FANCD2: variants seen among roughly 807,000 people sequenced by gnomAD.
The protein encoded by FANCD2 is FA complementation group D2, also known as Fanconi anemia group D2 protein.
FANCD2 carries 131 observed loss-of-function variants against 192.3 expected under a neutral mutation model. The observed-to-expected ratio is 0.68, with a 90% CI of 0.59 to 0.79. The LOEUF is 0.79. Ranked by LOEUF, FANCD2 falls within the 30% of genes least tolerant of loss-of-function variation. The pLI is 0.00. For missense variants in FANCD2, 1,508 were observed against 1,701.6 expected (o/e 0.89, Z 2.00); for synonymous variants, 524 against 612.5 (o/e 0.86, Z 2.13).
intron 20 of FANCD2, among the ~76,000 whole-genome samples, chr3:10,063,386 G>A (rs1333651258): frequency 6.6e-6 from 1 of 150,896 alleles, no homozygotes; most frequent in East Asian, 2.0e-4. Context: ...GCAGTGAGCC[G>A]AGATCACACT....
At chr3:10,080,028 C>T (rs1289775919) in intron 30 of FANCD2, among the ~76,000 whole-genome samples, 1 of 149,874 alleles carries the variant, frequency 6.7e-6, no homozygotes, top group Non-Finnish European at 1.5e-5. Flanking sequence ...GATTCTCCTG[C>T]CTCAGCCTCC....
rs750629741 is a variant in FANCD2 at position 10,046,559 on chromosome 3, T to A, written c.1135-21T>A. ...TGATTTGTTAACTGTTTTTCTGTTG[T>A]TGCATATTTATTGACAATAGGTGTT... On this transcript the variant is annotated intron_variant, in intron 14 of 43. Coordinates refer to ENST00000675286, the MANE Select transcript of FANCD2 (RefSeq NM_001018115.3). 3 of 1,614,180 alleles carry A rather than the reference T, an allele frequency of 1.9e-6. No homozygotes were observed. The South Asian group carries it at 3.3e-5, about 18-fold the overall frequency.
chr3:10,061,380 C>G (rs1468299331), intron 19 of FANCD2, among the ~76,000 whole-genome samples: 2 of 152,198 alleles, frequency 1.3e-5, no homozygotes, highest in African/African-American at 2.4e-5. Context: ...TCCCCTGTGA[C>G]ACACATTAAT....
At chr3:10,093,349 C>CG (rs746965013) in intron 39 of FANCD2, 26 bp downstream of exon 39, 1 of 1,581,204 alleles carries the variant, frequency 6.3e-7, no homozygotes, top group East Asian at 2.2e-5. Context: ...GGCCCTGTTT[C>CG]ATATTTATTC....
At chr3:10,069,167 A>C (rs1292817674) in intron 26 of FANCD2, among the ~76,000 whole-genome samples, 2 of 152,192 alleles carry the variant, frequency 1.3e-5, no homozygotes, top group South Asian at 4.1e-4. Flanking sequence ...TAAGTTAAAA[A>C]GTTAAGTTCC....
intron 29 of FANCD2, among the ~76,000 whole-genome samples, chr3:10,075,130 A>G (rs895455428): frequency 6.6e-6 from 1 of 152,132 alleles, no homozygotes; most frequent in Non-Finnish European, 1.5e-5. Context: ...AATAACTTCT[A>G]ATCTAATCAA....
At chr3:10,047,811 A>G in intron 15 of FANCD2, 106 bp from the exon 16 acceptor site, 1 of 1,333,566 alleles carries the variant, frequency 7.5e-7, no homozygotes, top group East Asian at 2.3e-5. Context: ...TTAAAATGAG[A>G]GCTAGGGAGG....
chr3:10,058,197 GC>G, intron 18 of FANCD2: 1 of 297,402 alleles, frequency 3.4e-6, no homozygotes, highest in Non-Finnish European at 6.7e-6. Context: ...TGGAGATTAG[GC>G]CCACTCTTGT....
At chr3:10,095,305 C>T (rs1225034943) in intron 41 of FANCD2, 31 bp downstream of exon 41, 1 of 1,590,024 alleles carries the variant, frequency 6.3e-7, no homozygotes, top group Non-Finnish European at 8.6e-7. Context: ...TATCAGCAGC[C>T]TGCCTGTTGG....
At chr3:10,061,760 T>A (rs1169620597) in intron 19 of FANCD2, among the ~76,000 whole-genome samples, 2 of 152,232 alleles carry the variant, frequency 1.3e-5, no homozygotes, top group African/African-American at 4.8e-5. Context: ...AAATAAATAC[T>A]CTTCGCTGCC....
chr3:10,032,968 A>G lies in FANCD2; in HGVS notation c.201A>G (p.Gln67=). The part of the protein sequence containing the change: ...IILKTGESQN[Q]LAVDQIAFQK... The stretch of plus-strand genomic sequence containing the variant: ...TTAAAACGGGAGAGAGTCAGAATCA[A>G]CTAGGTAATATTTTAATCTAATTTT... The change falls in exon 3 of 44, where the codon CAA becomes CAG. Residue 67 remains glutamine (Q), a synonymous_variant. Transcript: ENST00000675286. 6.4e-7 allele frequency: 1 copy of G among 1,570,356 alleles called. No homozygotes were observed. The highest frequency in any genetic ancestry group is 8.8e-7 in the Non-Finnish European group (1 of 1,140,634).
In FANCD2 at chr3:10,046,666, T is replaced by C. The variant is rs745305575; in HGVS notation, c.1221T>C (p.Ile407=). Residue 407 remains isoleucine (I), a synonymous_variant, in exon 15 of 44, where the codon ATT becomes ATC. Coordinates refer to ENST00000675286, the MANE Select transcript of FANCD2 (RefSeq NM_001018115.3). The part of the protein sequence containing the change: ...KYIDRVLRNK[I]RSGCIQEQLL... ...TTGACAGGGTGCTAAGAAATAAGAT[T>C]CGATCAGGCTGCATTCAAGAACAGC... 24 of 1,614,266 alleles carry C rather than the reference T, an allele frequency of 1.5e-5. No individual in the cohort carries two copies. The South Asian group carries it at 2.2e-4, about 15-fold the overall frequency.
At chr3:10,055,182 T>C (rs1260376030) in intron 18 of FANCD2, among the ~76,000 whole-genome samples, 2 of 152,234 alleles carry the variant, frequency 1.3e-5, no homozygotes, top group Non-Finnish European at 2.9e-5. Context: ...TAATATAAAA[T>C]AGACCGTTTA....
At chr3:10,049,326 C>T (rs763764719) in intron 16 of FANCD2, 48 bp from the exon 17 acceptor site, 1 of 1,524,054 alleles carries the variant, frequency 6.6e-7, no homozygotes, top group East Asian at 2.2e-5. Context: ...TTTAGAATGG[C>T]CATCCATATT....
At chr3:10,085,682 G>A (rs1466099355) in intron 32 of FANCD2, 130 bp from the exon 33 acceptor site, 31 of 731,702 alleles carry the variant, frequency 4.2e-5, no homozygotes, top group South Asian at 1.1e-4. Flanking sequence ...GAGCCACCAC[G>A]CCCGACCTCT....
intron 2 of FANCD2, among the ~76,000 whole-genome samples, chr3:10,031,997 C>T (rs1342549770): frequency 6.6e-6 from 1 of 152,154 alleles, no homozygotes; most frequent in Non-Finnish European, 1.5e-5. Flanking sequence ...AGGCGCACGC[C>T]ACCACACCCA....
At chr3:10,066,842 A>T (rs2087733980) in intron 25 of FANCD2, among the ~76,000 whole-genome samples, 1 of 152,044 alleles carries the variant, frequency 6.6e-6, no homozygotes, top group Admixed American at 6.6e-5. Flanking sequence ...CTCCTTCTTC[A>T]GCCTCCCTAG....
chr3:10,034,541 G>A lies in FANCD2; in HGVS notation c.273+5G>A, dbSNP rs1175902139. 1.9e-6 allele frequency: 3 copies of A among 1,607,246 alleles called. No individual in the cohort carries two copies. Among genetic ancestry groups the A allele is most frequent in the African/African-American group, 2.7e-5 (2 of 74,754 alleles). Reference sequence around the variant, plus strand: ...AGACACCCTTCCTATCCCAAAGTATGTATTTTTCCCCTGGTATTTTTGCTT... The same window carrying A: ...AGACACCCTTCCTATCCCAAAGTATATATTTTTCCCCTGGTATTTTTGCTT... On this transcript the variant is annotated splice_donor_5th_base_variant and intron_variant, in intron 4 of 43. Coordinates refer to ENST00000675286, the MANE Select transcript of FANCD2 (RefSeq NM_001018115.3).
intron 26 of FANCD2, among the ~76,000 whole-genome samples, chr3:10,069,990 C>T (rs988092685): frequency 2.6e-5 from 4 of 151,258 alleles, no homozygotes; most frequent in East Asian, 2.0e-4. Context: ...CGTCTCTGCC[C>T]GGCCGCCATC....
Sources: gnomAD v4.1 joint callset for allele counts (sites outside exome capture counted in the v4.1 genomes callset) on GRCh38, gnomAD v4.1.1 for gene constraint, MANE v1.5 for transcripts, NCBI Gene and HGNC (gene_info 2026-07-23, HGNC 2026-07-21) for gene names.